VGLL1: variants seen among roughly 807,000 people sequenced by gnomAD.
The protein encoded by VGLL1 is transcription cofactor vestigial-like protein 1.
Under a neutral mutation model 12.0 loss-of-function variants are expected in VGLL1, and 4 were observed. That is an observed-to-expected ratio of 0.33 (90% CI 0.16 to 0.76). VGLL1 has a LOEUF of 0.76. VGLL1 is among the 30% of genes least tolerant of loss of function. VGLL1 has a pLI of 0.60. For synonymous variants in VGLL1, 87 were observed against 81.2 expected, an observed-to-expected ratio of 1.07 and a Z score of -0.39; for missense variants, 204 against 208.7, an observed-to-expected ratio of 0.98 and a Z score of 0.14.
At chrX:136,555,314 G>C (rs1453505696) in intron 4 of VGLL1, among the ~76,000 whole-genome samples, 2 of 112,364 alleles carry the variant, frequency 1.8e-5, no homozygotes, top group Non-Finnish European at 1.9e-5. Flanking sequence ...ACAGGAGCCA[G>C]ATTGAAGTGG....
At chrX:136,535,402 G>A (rs2075836818) in intron 1 of VGLL1, among the ~76,000 whole-genome samples, 1 of 111,986 alleles carries the variant, frequency 8.9e-6, no homozygotes, top group African/African-American at 3.3e-5. Flanking sequence ...TAGAGATGGT[G>A]TTGTTTGTAA....
chrX:136,550,048 C>T (rs2148533081), intron 3 of VGLL1, among the ~76,000 whole-genome samples: 1 of 112,311 alleles, frequency 8.9e-6, no homozygotes, highest in African/African-American at 3.2e-5. Flanking sequence ...AAGTCAGGCA[C>T]TGTGTTCTAT....
chrX:136,543,880 A>G (rs900631071), intron 2 of VGLL1, among the ~76,000 whole-genome samples: 1 of 112,285 alleles, frequency 8.9e-6, no homozygotes, highest in East Asian at 2.8e-4. Context: ...AGTCGTTCAC[A>G]GCTGTGACTC....
At chrX:136,555,062 T>G (rs1296869999) in intron 4 of VGLL1, among the ~76,000 whole-genome samples, 2 of 111,400 alleles carry the variant, frequency 1.8e-5, no homozygotes, top group Non-Finnish European at 3.8e-5. Flanking sequence ...ACTGGGGACA[T>G]GAGGAACAAA....
chrX:136,532,571 ATATTTCTTTCTT>A, intron 1 of VGLL1, among the ~76,000 whole-genome samples: 1 of 93,209 alleles, frequency 1.1e-5, no homozygotes, highest in Non-Finnish European at 2.2e-5. Flanking sequence ...CTGTGCTCAA[ATATTTCTTTCTT>A]TCTTTCTTTC....
intron 2 of VGLL1, among the ~76,000 whole-genome samples, chrX:136,543,823 A>G (rs2075862833): frequency 9.0e-6 from 1 of 111,160 alleles, no homozygotes; most frequent in Admixed American, 9.6e-5. Context: ...AAGAGAAGGA[A>G]GGAAAGAAGA....
chrX:136,535,914 G>T, intron 1 of VGLL1, 82 bp from the exon 2 acceptor site: 1 of 814,015 alleles, frequency 1.2e-6, no homozygotes, highest in Non-Finnish European at 1.8e-6. Flanking sequence ...CAAATTGCTT[G>T]CCCCCAAGGA....
At chrX:136,548,027 G>A (rs1465809863) in intron 2 of VGLL1, among the ~76,000 whole-genome samples, 2 of 109,790 alleles carry the variant, frequency 1.8e-5, no homozygotes, top group Non-Finnish European at 3.8e-5. Flanking sequence ...TTCTTACCGA[G>A]TCTCACTCTG....
At chrX:136,554,259 G>A (rs1246180464) in intron 4 of VGLL1, among the ~76,000 whole-genome samples, 1 of 111,339 alleles carries the variant, frequency 9.0e-6, no homozygotes, top group Non-Finnish European at 1.9e-5. Context: ...CTGAGGAAGT[G>A]ACATGTGATC....
chrX:136,555,033 A>T (rs1009070855), intron 4 of VGLL1, among the ~76,000 whole-genome samples: 7 of 112,046 alleles, frequency 6.2e-5, no homozygotes, highest in African/African-American at 2.3e-4. Context: ...AGAGGCCTGG[A>T]GGGTGTCAAT....
intron 1 of VGLL1, among the ~76,000 whole-genome samples, chrX:136,534,002 T>A (rs1172118684): frequency 8.9e-6 from 1 of 112,500 alleles, no homozygotes; most frequent in Non-Finnish European, 1.9e-5. Context: ...AAGATAGCTG[T>A]GTAGTTTCTG....
At position 136,548,724 on chromosome X, in the gene VGLL1, C is replaced by T. The variant is rs745583325; in HGVS notation, c.350C>T (p.Pro117Leu). Reference protein sequence around the residue: ...PGPMAVNQFSPSLARRASVRP... With the variant: ...PGPMAVNQFSLSLARRASVRP... ...CCCATGGCTGTGAATCAGTTCTCAC[C>T]GTCCCTGGCTAGGAGGGCCTCTGTT... Residue 117 changes from proline to leucine, a missense_variant, in exon 3 of 5, where the codon CCG becomes CTG. Physicochemically the swap from Pro to Leu is moderately conservative, Grantham distance 98. Coordinates refer to ENST00000370634, the MANE Select transcript of VGLL1 (RefSeq NM_016267.4). 1 of 1,210,474 alleles carries T rather than the reference C, an allele frequency of 8.3e-7. No individual in the cohort carries two copies. The highest frequency in any genetic ancestry group is 1.7e-5 in the African/African-American group (1 of 57,243).
intron 2 of VGLL1, among the ~76,000 whole-genome samples, chrX:136,543,797 A>C (rs1211441178): frequency 9.1e-6 from 1 of 110,384 alleles, no homozygotes; most frequent in Non-Finnish European, 1.9e-5. Context: ...GCATTAAAAG[A>C]TGCAGAAAGA....
chrX:136,556,308 A>C (rs777085924), intron 4 of VGLL1, 143 bp from the exon 5 acceptor site: 83 of 421,693 alleles, frequency 2.0e-4, no homozygotes, highest in Non-Finnish European at 3.1e-4. Context: ...ATGCAGTTTC[A>C]TGAGTTTCTG....
At chrX:136,547,851 T>C (rs949133323) in intron 2 of VGLL1, among the ~76,000 whole-genome samples, 1 of 111,734 alleles carries the variant, frequency 8.9e-6, no homozygotes, top group Non-Finnish European at 1.9e-5. Flanking sequence ...GTAATGCTGT[T>C]AGCATAATAG....
chrX:136,551,216 A>T (rs2075885272), intron 4 of VGLL1, among the ~76,000 whole-genome samples: 2 of 107,706 alleles, frequency 1.9e-5, no homozygotes, highest in Admixed American at 2.0e-4. Context: ...TCAGCCTAGT[A>T]TTCTTTTATT....
chrX:136,541,592 T>A (rs1569360884), intron 2 of VGLL1, among the ~76,000 whole-genome samples: 2 of 112,125 alleles, frequency 1.8e-5, no homozygotes, highest in East Asian at 5.6e-4. Flanking sequence ...GTGGGAAATC[T>A]TTCAAGTGGC....
At chrX:136,532,643 TTCTTTCTTTCTTTCTTTCTTTTTC>T (rs2075827785) in intron 1 of VGLL1, among the ~76,000 whole-genome samples, 1 of 90,524 alleles carries the variant, frequency 1.1e-5, no homozygotes, top group Non-Finnish European at 2.2e-5. Context: ...CTTTCTTTCT[TTCTTTCTTTCTTTCTTTCTTTTTC>T]TTTCTTTCTT....
At chrX:136,548,534 A>T (rs1467364881) in intron 2 of VGLL1, 55 bp from the exon 3 acceptor site, 28 of 1,120,792 alleles carry the variant, frequency 2.5e-5, no homozygotes, top group Non-Finnish European at 3.2e-5. Context: ...AAAAAACTAC[A>T]TCCATTTTGA....
Sources: allele counts gnomAD v4.1 joint callset (sites outside exome capture counted in the v4.1 genomes callset), GRCh38; gene constraint gnomAD v4.1.1; transcripts MANE v1.5; gene names NCBI Gene and HGNC (gene_info 2026-07-23, HGNC 2026-07-21).